EXOC6B: variants seen among roughly 807,000 people sequenced by gnomAD.
EXOC6B encodes SEC15 homolog B.
In EXOC6B, 54 loss-of-function variants were observed where a neutral mutation model predicts 113.5. The observed-to-expected ratio is 0.48, with a 90% CI of 0.38 to 0.60. The LOEUF is 0.60. Among genes scored for constraint, EXOC6B ranks in the 20% least tolerant of loss-of-function variants. The probability of loss-of-function intolerance (pLI) is 0.00; values close to 1 mark genes in which losing one functional copy is unlikely to be tolerated. For synonymous variants in EXOC6B, 357 were observed against 339.0 expected (o/e 1.05, Z -0.58); for missense variants, 797 against 977.5 (o/e 0.82, Z 2.46).
At chr2:72,667,660 T>G (rs1675487219) in intron 6 of EXOC6B, among the ~76,000 whole-genome samples, 1 of 152,192 alleles carries the variant, frequency 6.6e-6, no homozygotes, top group Non-Finnish European at 1.5e-5. Flanking sequence ...CTGGGATAAC[T>G]GGTTACCCAT....
At chr2:72,682,156 A>G (rs1245951756) in intron 6 of EXOC6B, among the ~76,000 whole-genome samples, 1 of 152,174 alleles carries the variant, frequency 6.6e-6, no homozygotes, top group Admixed American at 6.5e-5. Flanking sequence ...GGCCAAATAA[A>G]AAAGGTGCCA....
intron 20 of EXOC6B, among the ~76,000 whole-genome samples, chr2:72,230,736 C>T (rs1402096201): frequency 1.3e-5 from 2 of 152,134 alleles, no homozygotes; most frequent in Non-Finnish European, 2.9e-5. Flanking sequence ...GATATAGACT[C>T]TCAGTGCTAC....
chr2:72,222,703 T>C (rs988420420), intron 20 of EXOC6B, among the ~76,000 whole-genome samples: 1 of 152,160 alleles, frequency 6.6e-6, no homozygotes, highest in African/African-American at 2.4e-5. Context: ...GCTGGTGGGC[T>C]ACATGGGTCA....
chr2:72,468,546 C>T (rs1219896829), intron 17 of EXOC6B, among the ~76,000 whole-genome samples: 2 of 152,238 alleles, frequency 1.3e-5, no homozygotes, highest in African/African-American at 2.4e-5. Context: ...ATTATTATAA[C>T]GTGTAGTAGA....
chr2:72,265,938 T>C (rs1420332399), intron 20 of EXOC6B, among the ~76,000 whole-genome samples: 6 of 152,094 alleles, frequency 3.9e-5, no homozygotes, highest in African/African-American at 1.4e-4. Context: ...TTTTTAATAA[T>C]TGCCATTCTA....
chr2:72,445,306 C>A (rs1696500887), intron 18 of EXOC6B, among the ~76,000 whole-genome samples: 1 of 152,150 alleles, frequency 6.6e-6, no homozygotes, highest in Admixed American at 6.5e-5. Context: ...TTGATCAAAG[C>A]CATTCAACAA....
At chr2:72,483,176 G>A (rs1308624109) in intron 16 of EXOC6B, among the ~76,000 whole-genome samples, 6 of 152,176 alleles carry the variant, frequency 3.9e-5, no homozygotes, top group South Asian at 4.1e-4. Flanking sequence ...TCCTTCAGAG[G>A]AGGACTAAAA....
chr2:72,722,565 G>A (rs1680076652), intron 5 of EXOC6B, among the ~76,000 whole-genome samples: 1 of 152,028 alleles, frequency 6.6e-6, no homozygotes, highest in African/African-American at 2.4e-5. Context: ...CCTAAATTTA[G>A]AAATAAAAGT....
chr2:72,483,175 G>A (rs1333627659), intron 16 of EXOC6B, among the ~76,000 whole-genome samples: 1 of 152,188 alleles, frequency 6.6e-6, no homozygotes, highest in Non-Finnish European at 1.5e-5. Context: ...CTCCTTCAGA[G>A]GAGGACTAAA....
chr2:72,825,454 G>C lies in EXOC6B; in HGVS notation c.113+344C>G, dbSNP rs1302444114. 1.3e-5 allele frequency among the ~76,000 whole-genome samples: 2 copies of C among 152,254 alleles called. No individual in the cohort carries two copies. Among genetic ancestry groups the C allele is most frequent in the African/African-American group, 4.8e-5 (2 of 41,480 alleles). On this transcript the variant is annotated intron_variant, in intron 1 of 21. Transcript: ENST00000272427. This position sits in a 1 kb window ranked among gnomAD's most constrained non-coding sequence, Gnocchi z 4.4. Reference sequence around the variant, plus strand: ...AGGGCAGGACGTAGTTAGAGACGGAGGGAGAAGGGTGATGTCCCCAGGGGG... The same window carrying C: ...AGGGCAGGACGTAGTTAGAGACGGACGGAGAAGGGTGATGTCCCCAGGGGG...
intron 20 of EXOC6B, among the ~76,000 whole-genome samples, chr2:72,327,211 G>A (rs1688174536): frequency 6.6e-6 from 1 of 152,012 alleles, no homozygotes; most frequent in Admixed American, 6.6e-5. Context: ...ATACAATTGT[G>A]CAAAGAACCA....
chr2:72,653,547 A>G (rs1198390762), intron 6 of EXOC6B, among the ~76,000 whole-genome samples: 1 of 151,160 alleles, frequency 6.6e-6, no homozygotes. Flanking sequence ...CCTAAAACTT[A>G]AAGTATAATA....
At chr2:72,468,941 A>G (rs1430300097) in intron 17 of EXOC6B, among the ~76,000 whole-genome samples, 1 of 152,130 alleles carries the variant, frequency 6.6e-6, no homozygotes, top group Admixed American at 6.5e-5. Context: ...TTTCATTAAT[A>G]GGCTTTATTT....
intron 1 of EXOC6B, among the ~76,000 whole-genome samples, chr2:72,764,363 TC>T (rs1682932329): frequency 7.7e-6 from 1 of 130,074 alleles, no homozygotes; most frequent in Admixed American, 8.5e-5. Context: ...TTATTTTCTC[TC>T]TTTTTTTTTT....
intron 19 of EXOC6B, among the ~76,000 whole-genome samples, chr2:72,348,804 C>T (rs1413871602): frequency 6.6e-6 from 1 of 152,024 alleles, no homozygotes; most frequent in African/African-American, 2.4e-5. Flanking sequence ...GACTCTTGAG[C>T]AAGGTGGAGG....
Position 72,560,109 on chromosome 2 carries a change from C to T in EXOC6B, c.847-588G>A, listed in dbSNP as rs150342355. On this transcript the variant is annotated intron_variant, in intron 7 of 21. Coordinates refer to ENST00000272427, the MANE Select transcript of EXOC6B (RefSeq NM_015189.3). ...AAGTCAAACCAAGAAGTAATACCAA[C>T]GTATTTTAATGTGAATAGTGTATGT... 1.3e-3 allele frequency among the ~76,000 whole-genome samples: 198 copies of T among 151,872 alleles called. 2 individuals are homozygous for T. The highest frequency in any genetic ancestry group is 0.01 in the Middle Eastern group (3 of 292).
chr2:72,432,313 T>C (rs1018934988), intron 18 of EXOC6B, among the ~76,000 whole-genome samples: 1 of 152,178 alleles, frequency 6.6e-6, no homozygotes. Flanking sequence ...ATTTTCTTTA[T>C]CCAGTCTATC....
intron 1 of EXOC6B, among the ~76,000 whole-genome samples, chr2:72,770,667 G>A (rs1236449858): frequency 6.6e-6 from 1 of 152,000 alleles, no homozygotes; most frequent in Admixed American, 6.6e-5. Context: ...AGAGATTATG[G>A]GCCAAATCAA....
At position 72,723,741 on chromosome 2, in the gene EXOC6B, TAA is replaced by T. The variant is rs538661620; in HGVS notation, c.465-5436_465-5435del. Among the ~76,000 whole-genome samples the T allele has an allele frequency of 1.2e-3, 134 of 108,328 alleles. 1 individual carries two copies. The highest frequency in any genetic ancestry group is 2.8e-3 in the African/African-American group (89 of 31,292). 71.1% of individuals were successfully genotyped at this position (108,328 alleles called of 152,430 possible). A position where few individuals can be genotyped will look rare whatever the true frequency, so the allele number is the denominator to read the frequency against. On this transcript the variant is annotated intron_variant, in intron 5 of 21. Transcript: ENST00000272427. ...AGTAGAAAAATCAGTATTTATAGCT[TAA>T]AAAAAAAAAAAAAAAAGACTTCTAG...
Sources: allele counts gnomAD v4.1 joint callset (sites outside exome capture counted in the v4.1 genomes callset), GRCh38; gene constraint gnomAD v4.1.1; non-coding constraint Gnocchi (gnomAD v3.1); transcripts MANE v1.5; gene names NCBI Gene and HGNC (gene_info 2026-07-23, HGNC 2026-07-21).